AGBL4: variants seen among roughly 807,000 people sequenced by gnomAD.
AGBL4 encodes cytosolic carboxypeptidase 6.
Under a neutral mutation model 66.4 loss-of-function variants are expected in AGBL4, and 58 were observed. That is an observed-to-expected ratio of 0.87 (90% confidence interval 0.71 to 1.09). The LOEUF is 1.09. Ranked by LOEUF, AGBL4 falls within the 50% of genes least tolerant of loss-of-function variation. AGBL4 has a pLI of 0.00. For synonymous variants in AGBL4, 234 were observed against 222.9 expected (o/e 1.05, Z -0.44); for missense variants, 579 against 631.0 (o/e 0.92, Z 0.88).
Position 49,400,463 on chromosome 1 carries a change from G to T in AGBL4, c.283-154599C>A, listed in dbSNP as rs375241965. On this transcript the variant is annotated intron_variant, in intron 3 of 13. Coordinates refer to ENST00000371839, the MANE Select transcript of AGBL4 (RefSeq NM_032785.4). ...AGGGATTGCATTGAATCTGTAGATT[G>T]CTTTGGAGAGTATAAACATTTTAAA... is the stretch of plus-strand genomic sequence containing the variant. Among the ~76,000 whole-genome samples, 52 of 151,926 alleles carry T rather than the reference G, an allele frequency of 3.4e-4. 1 individual carries two copies. In the South Asian group the frequency reaches 1.0e-2, roughly 29 times the overall value.
At chr1:48,918,647 T>C (rs1353937364) in intron 5 of AGBL4, among the ~76,000 whole-genome samples, 1 of 152,154 alleles carries the variant, frequency 6.6e-6, no homozygotes, top group Non-Finnish European at 1.5e-5. Context: ...GTCTGTGACC[T>C]GGAATAGGCC....
intron 5 of AGBL4, among the ~76,000 whole-genome samples, chr1:48,988,466 G>A (rs905951419): frequency 4.6e-5 from 7 of 152,160 alleles, no homozygotes; most frequent in Non-Finnish European, 8.8e-5. Flanking sequence ...GAAGTTCACA[G>A]CTTCTGGGAG....
At chr1:49,276,121 T>TAC (rs150008463) in intron 3 of AGBL4, among the ~76,000 whole-genome samples, 4,279 of 150,852 alleles carry the variant, frequency 0.028, 167 homozygotes, top group African/African-American at 0.096. Context: ...TACATATATA[T>TAC]ACACACACAC....
chr1:49,800,759 C>T (rs1644843112), intron 2 of AGBL4, among the ~76,000 whole-genome samples: 1 of 101,536 alleles, frequency 9.8e-6, no homozygotes, highest in South Asian at 3.9e-4. Flanking sequence ...TTAATCCAGT[C>T]TATCATTGTT....
chr1:49,882,628 G>T (rs548617034), intron 1 of AGBL4, among the ~76,000 whole-genome samples: 1 of 152,068 alleles, frequency 6.6e-6, no homozygotes, highest in Admixed American at 6.6e-5. Flanking sequence ...GGATTCCTAG[G>T]TATTTTATTC....
chr1:49,087,186 T>C (rs1644924410), intron 4 of AGBL4, among the ~76,000 whole-genome samples: 2 of 152,170 alleles, frequency 1.3e-5, no homozygotes, highest in African/African-American at 4.8e-5. Flanking sequence ...CAGAGTGTCT[T>C]CTTACCTCCC....
intron 3 of AGBL4, among the ~76,000 whole-genome samples, chr1:49,545,005 G>C (rs915075800): frequency 2.2e-4 from 34 of 151,952 alleles, no homozygotes; most frequent in Admixed American, 1.6e-3. Flanking sequence ...AATATTCCTT[G>C]GTAGCAAACT....
intron 2 of AGBL4, among the ~76,000 whole-genome samples, chr1:49,785,271 G>A (rs1557443979): frequency 1.3e-5 from 2 of 151,976 alleles, no homozygotes; most frequent in Non-Finnish European, 2.9e-5. Flanking sequence ...CCACAGCAAG[G>A]TGACATTAGA....
At chr1:49,143,366 C>A (rs1646155412) in intron 4 of AGBL4, among the ~76,000 whole-genome samples, 1 of 152,172 alleles carries the variant, frequency 6.6e-6, no homozygotes, top group Non-Finnish European at 1.5e-5. Flanking sequence ...GGAGGGTCTT[C>A]TTGATACCCC....
chr1:49,789,347 T>C (rs1364497910), intron 2 of AGBL4, among the ~76,000 whole-genome samples: 1 of 152,138 alleles, frequency 6.6e-6, no homozygotes, highest in East Asian at 1.9e-4. Context: ...AAAATGATGC[T>C]GGAAACAAAT....
intron 2 of AGBL4, among the ~76,000 whole-genome samples, chr1:49,722,840 T>C (rs1215942232): frequency 6.6e-6 from 1 of 152,102 alleles, no homozygotes; most frequent in East Asian, 1.9e-4. Context: ...CTGTAGTAAC[T>C]GAGAAAGAAA....
intron 4 of AGBL4, among the ~76,000 whole-genome samples, chr1:49,112,571 A>T (rs907067542): frequency 2.0e-5 from 3 of 152,180 alleles, no homozygotes; most frequent in Non-Finnish European, 4.4e-5. Context: ...TCAAAATTGG[A>T]CTCAATCCTC....
At chr1:49,386,636 C>G (rs1447135934) in intron 3 of AGBL4, among the ~76,000 whole-genome samples, 1 of 151,810 alleles carries the variant, frequency 6.6e-6, no homozygotes, top group African/African-American at 2.4e-5. Flanking sequence ...ACACATATAT[C>G]CCTGTTCACT....
intron 6 of AGBL4, among the ~76,000 whole-genome samples, chr1:48,832,701 T>A (rs1646582458): frequency 6.6e-6 from 1 of 152,198 alleles, no homozygotes; most frequent in Non-Finnish European, 1.5e-5. Flanking sequence ...ATGAGATTAA[T>A]ATTCAATTAA....
intron 6 of AGBL4, among the ~76,000 whole-genome samples, chr1:48,788,485 G>A (rs1478836802): frequency 6.6e-6 from 1 of 152,156 alleles, no homozygotes; most frequent in Non-Finnish European, 1.5e-5. Flanking sequence ...TTTATAAATT[G>A]TAGGACTTAA....
chr1:48,578,337 T>C (rs1224114236), intron 11 of AGBL4, among the ~76,000 whole-genome samples: 1 of 152,084 alleles, frequency 6.6e-6, no homozygotes, highest in African/African-American at 2.4e-5. Context: ...AGATAGTCAA[T>C]CAGAAGGATT....
intron 5 of AGBL4, among the ~76,000 whole-genome samples, chr1:48,960,285 G>GAA: frequency 6.6e-6 from 1 of 152,264 alleles, no homozygotes; most frequent in East Asian, 1.9e-4. Flanking sequence ...GCCATTTACA[G>GAA]AAATGGGGGA....
rs771057260 is a variant in AGBL4, at chr1:49,204,281, TA to T, written c.377+41488del. 6.0e-4 allele frequency among the ~76,000 whole-genome samples: 91 copies of T among 152,106 alleles called. 1 individual carries two copies. The highest frequency in any genetic ancestry group is 1.4e-3 in the Admixed American group (21 of 15,254). ...AACTATTTATCTATTTTTTATTGTTTATTTTTTTAGTCAAGTTCTTGCTCTG... is the reference window on the plus strand; with the variant it reads ...AACTATTTATCTATTTTTTATTGTTTTTTTTTTAGTCAAGTTCTTGCTCTG... On this transcript the variant is annotated intron_variant, in intron 4 of 13. Coordinates refer to ENST00000371839, the MANE Select transcript of AGBL4 (RefSeq NM_032785.4).
intron 2 of AGBL4, among the ~76,000 whole-genome samples, chr1:49,784,200 G>T (rs1425628178): frequency 6.6e-6 from 1 of 152,078 alleles, no homozygotes; most frequent in Non-Finnish European, 1.5e-5. Context: ...GAACAAAGTT[G>T]CATGTTGCAC....
Sources: gnomAD v4.1 joint callset for allele counts (sites outside exome capture counted in the v4.1 genomes callset) on GRCh38, gnomAD v4.1.1 for gene constraint, MANE v1.5 for transcripts, NCBI Gene and HGNC (gene_info 2026-07-23, HGNC 2026-07-21) for gene names.